Variants in IRS2 observed in about 807,000 individuals in gnomAD.
The protein encoded by IRS2 is insulin receptor substrate 2.
Under a neutral mutation model 70.9 loss-of-function variants are expected in IRS2, and 28 were observed. The ratio of observed to expected loss-of-function variants is 0.39; its 90% CI spans 0.29 to 0.54. The LOEUF (loss-of-function observed/expected upper bound fraction) is 0.54. Ranked by LOEUF, IRS2 falls within the 20% of genes least tolerant of loss-of-function variation. IRS2 has a pLI of 0.59. For synonymous variants in IRS2, 1,217 were observed against 981.9 expected, an observed-to-expected ratio of 1.24 and a Z score of -4.48; for missense variants, 2,081 against 2,024.1, an observed-to-expected ratio of 1.03 and a Z score of -0.54.
At chr13:109,769,271 G>A (rs1331735633) in intron 1 of IRS2, among the ~76,000 whole-genome samples, 1 of 152,200 alleles carries the variant, frequency 6.6e-6, no homozygotes, top group African/African-American at 2.4e-5. Context: ...GTTTTTAAAA[G>A]CTCTGCATAT....
intron 1 of IRS2, among the ~76,000 whole-genome samples, chr13:109,762,281 C>T (rs1177533190): frequency 6.6e-6 from 1 of 152,236 alleles, no homozygotes; most frequent in Non-Finnish European, 1.5e-5. Context: ...GATTCTTCTG[C>T]ACAAACACCT....
At position 109,755,345 on chromosome 13, in the gene IRS2, A is replaced by T. The variant is rs1877081315; in HGVS notation, c.*959T>A. ...CCCGGACCACCCTGGAATTGCTAGC[A>T]CGCCTACAGGGATTTTTGGTTACAG... On this transcript the variant is annotated 3_prime_UTR_variant, in exon 2 of 2. Transcript: ENST00000375856. 1 of 227,350 alleles carries T rather than the reference A, an allele frequency of 4.4e-6. No individual in the cohort carries two copies. The highest frequency in any genetic ancestry group is 5.7e-5 in the Admixed American group (1 of 17,514). The allele number at this position is 227,350 out of a possible 1,614,324, so 14.1% of individuals were successfully genotyped here.
intron 1 of IRS2, among the ~76,000 whole-genome samples, chr13:109,769,631 C>T (rs1001056130): frequency 2.6e-5 from 4 of 152,232 alleles, no homozygotes; most frequent in African/African-American, 9.7e-5. Flanking sequence ...ATTTCACCAC[C>T]TGTAGTGCTT....
Position 109,771,665 on chromosome 13 carries a change from G to C in IRS2, c.4012+10377C>G, listed in dbSNP as rs77631819. 6.7e-4 allele frequency among the ~76,000 whole-genome samples: 102 copies of C among 152,310 alleles called. 4 individuals are homozygous for C. In the East Asian group the frequency reaches 0.019, roughly 28 times the overall value. ...CTTTTATGCAGGAAGACAATAAAAA[G>C]TGAATACCTACTATCATACCAGAAT... is the stretch of plus-strand genomic sequence containing the variant. On this transcript the variant is annotated intron_variant, in intron 1 of 1. Transcript: ENST00000375856.
rs1161486949 is a variant in IRS2 at position 109,785,901 on chromosome 13, G to C, written c.153C>G (p.Arg51=). The change falls in exon 1 of 2, where the codon CGC becomes CGG. Residue 51 remains arginine, a synonymous_variant. Coordinates refer to ENST00000375856, the MANE Select transcript of IRS2 (RefSeq NM_003749.3). This position sits in a 1 kb window ranked among gnomAD's most constrained non-coding sequence, Gnocchi z 9.3. The part of the protein sequence containing the change: ...KHGHKRFFVL[R]GPGAGGDEAT... ...CCTCGTCGCCGCCCGCGCCGGGTCCGCGCAGCACGAAGAAGCGCTTGTGGC... is the reference window on the plus strand; with the variant it reads ...CCTCGTCGCCGCCCGCGCCGGGTCCCCGCAGCACGAAGAAGCGCTTGTGGC... 1.3e-6 allele frequency: 2 copies of C among 1,494,222 alleles called. No individual in the cohort carries two copies. Among genetic ancestry groups the C allele is most frequent in the African/African-American group, 1.4e-5 (1 of 69,346 alleles). The allele number at this position is 1,494,222 out of a possible 1,614,324, so 92.6% of individuals were successfully genotyped here. A position where few individuals can be genotyped will look rare whatever the true frequency, so the allele number is the denominator to read the frequency against.
intron 1 of IRS2, among the ~76,000 whole-genome samples, chr13:109,781,165 C>CATTTTT (rs1877687037): frequency 2.6e-5 from 4 of 152,062 alleles, no homozygotes; most frequent in African/African-American, 9.7e-5. Context: ...GGGGTGAGGC[C>CATTTTT]CAACAGGTAA....
chr13:109,782,671 T>C lies in IRS2; in HGVS notation c.3383A>G (p.Asp1128Gly), dbSNP rs1255377313. The change falls in exon 1 of 2, where the codon GAC (aspartate) becomes GGC (glycine). Residue 1128 changes from aspartate (D) to glycine (G), a missense_variant. Physicochemically the swap from Asp to Gly is moderately conservative, Grantham distance 94 (BLOSUM62 -1). Transcript: ENST00000375856. Reference protein sequence around the residue: ...EAFLQASQPPDPHRGAKVIRA... With the variant: ...EAFLQASQPPGPHRGAKVIRA... ...GATGACCTTGGCGCCGCGGTGGGGG[T>C]CCGGGGGCTGGCTGGCCTGCAGGAA... 1.3e-6 allele frequency: 2 copies of C among 1,569,900 alleles called. No individual in the cohort carries two copies. The highest frequency in any genetic ancestry group is 1.7e-6 in the Non-Finnish European group (2 of 1,160,224).
intron 1 of IRS2, among the ~76,000 whole-genome samples, chr13:109,770,232 G>T (rs1877422306): frequency 6.6e-6 from 1 of 152,190 alleles, no homozygotes. Context: ...GATGCCTATA[G>T]AAAGAATGTG....
chr13:109,755,712 G>A lies in IRS2; in HGVS notation c.*592C>T, dbSNP rs1877092109. ...GTAAACATCGCAGGTACCTGCACTG[G>A]AATCCAACAAGCAGCTGTCTACTTG... On this transcript the variant is annotated 3_prime_UTR_variant, in exon 2 of 2. Transcript: ENST00000375856. 2 of 205,374 alleles carry A rather than the reference G, an allele frequency of 9.7e-6. No individual in the cohort carries two copies. Among genetic ancestry groups the A allele is most frequent in the Non-Finnish European group, 2.0e-5 (2 of 100,232 alleles). 12.7% of individuals were successfully genotyped at this position (205,374 alleles called of 1,614,324 possible).
At chr13:109,760,128 C>T (rs1310449075) in intron 1 of IRS2, among the ~76,000 whole-genome samples, 2 of 152,124 alleles carry the variant, frequency 1.3e-5, no homozygotes, top group African/African-American at 2.4e-5. Context: ...AGATGAGATT[C>T]CAGCAAAAAT....
In IRS2 at chr13:109,767,880, G is replaced by A. The variant is rs533198745; in HGVS notation, c.4013-11572C>T. Among the ~76,000 whole-genome samples the A allele has an allele frequency of 3.9e-5, 6 of 152,118 alleles. No homozygotes were observed. The South Asian group carries it at 1.2e-3, about 32-fold the overall frequency. On this transcript the variant is annotated intron_variant, in intron 1 of 1. Coordinates refer to ENST00000375856, the MANE Select transcript of IRS2 (RefSeq NM_003749.3). ...CCTAAGCAGCTGGGACTACAGGCATGCGCCACCACACCTAGCTAATTTTTC... is the reference window on the plus strand; with the variant it reads ...CCTAAGCAGCTGGGACTACAGGCATACGCCACCACACCTAGCTAATTTTTC...
rs778288547 is a variant in IRS2 at position 109,782,387 on chromosome 13, C to G, written c.3667G>C (p.Gly1223Arg). The change falls in exon 1 of 2, where the codon GGT becomes CGT. Residue 1223 changes from glycine (G) to arginine (R), a missense_variant. Physicochemically the swap from Gly to Arg is moderately radical, Grantham distance 125. Around this residue, in one of 4 missense-constraint regions of IRS2, gnomAD observed 1,615 missense variants for 1,459.5 expected, o/e 1.11. Coordinates refer to ENST00000375856, the MANE Select transcript of IRS2 (RefSeq NM_003749.3). ...LAPQGRPWTP[G>R]QPGGLVGCPG... The stretch of plus-strand genomic sequence containing the variant: ...CAACCGACCAAGCCCCCGGGCTGAC[C>G]CGGGGTCCACGGCCGGCCCTGCGGT... 2 of 1,610,088 alleles carry G rather than the reference C, an allele frequency of 1.2e-6. No homozygotes were observed. Among genetic ancestry groups the G allele is most frequent in the Non-Finnish European group, 1.7e-6 (2 of 1,178,654 alleles).
At chr13:109,761,244 C>T (rs1459301405) in intron 1 of IRS2, among the ~76,000 whole-genome samples, 1 of 152,188 alleles carries the variant, frequency 6.6e-6, no homozygotes, top group Non-Finnish European at 1.5e-5. Flanking sequence ...ACTGGACCAC[C>T]CAGAGGCCAA....
At chr13:109,770,164 T>G (rs1445845040) in intron 1 of IRS2, among the ~76,000 whole-genome samples, 4 of 152,186 alleles carry the variant, frequency 2.6e-5, no homozygotes, top group African/African-American at 9.6e-5. Context: ...AGCAGCCCTT[T>G]GAGCCGGTGG....
chr13:109,773,671 A>G (rs1259973359), intron 1 of IRS2, among the ~76,000 whole-genome samples: 1 of 152,210 alleles, frequency 6.6e-6, no homozygotes, highest in Non-Finnish European at 1.5e-5. Flanking sequence ...CCACATAGTC[A>G]TGAACAGCCA....
rs549807178 is a variant in IRS2, at chr13:109,777,146, C to G, written c.4012+4896G>C. On this transcript the variant is annotated intron_variant, in intron 1 of 1. Coordinates refer to ENST00000375856, the MANE Select transcript of IRS2 (RefSeq NM_003749.3). ...CGGGGGGCACAGCACTTTGCCTCAC[C>G]CAGTGTTTTCCTCATTCTACTTGGC... 1.5e-3 allele frequency among the ~76,000 whole-genome samples: 225 copies of G among 152,106 alleles called. 1 individual carries two copies. Among genetic ancestry groups the G allele is most frequent in the African/African-American group, 5.4e-3 (222 of 41,476 alleles).
rs751169256 is a variant in IRS2 at position 109,784,445 on chromosome 13, C to T, written c.1609G>A (p.Gly537Ser). 1 of 1,577,602 alleles carries T rather than the reference C, an allele frequency of 6.3e-7. No individual in the cohort carries two copies. Among genetic ancestry groups the T allele is most frequent in the Non-Finnish European group, 8.6e-7 (1 of 1,158,760 alleles). The stretch of plus-strand genomic sequence containing the variant: ...ATGGTCATGTACCCGTAGAACTCAC[C>T]GCCGCCGCCGCCGTCTCGGGCCGGG... ...TPPARDGGGG[G>S]EFYGYMTMDR... Residue 537 changes from glycine (G) to serine (S), a missense_variant, in exon 1 of 2, where the codon GGT becomes AGT. Physicochemically the swap from Gly to Ser is moderately conservative, Grantham distance 56. This residue lies in a region of IRS2 where 1,615 missense variants were observed against 1,459.5 expected (regional missense o/e 1.11). Coordinates refer to ENST00000375856, the MANE Select transcript of IRS2 (RefSeq NM_003749.3). The surrounding 1 kb of genome is among the most constrained non-coding windows in gnomAD (Gnocchi z 5.2).
chr13:109,777,721 T>C (rs77394397), intron 1 of IRS2, among the ~76,000 whole-genome samples: 2,286 of 152,328 alleles, frequency 0.015, 70 homozygotes, highest in African/African-American at 0.052. Context: ...TTATACATTT[T>C]CATCTTGTCA....
intron 1 of IRS2, among the ~76,000 whole-genome samples, chr13:109,776,780 A>G (rs983810098): frequency 2.6e-5 from 4 of 152,206 alleles, no homozygotes; most frequent in African/African-American, 9.6e-5. Flanking sequence ...TTTTCTTCAG[A>G]AAAGTCTAGC....
Sources: gnomAD v4.1 joint callset for allele counts (sites outside exome capture counted in the v4.1 genomes callset) on GRCh38, gnomAD v4.1.1 for gene constraint, gnomAD v4.1.1 regional missense constraint, Gnocchi (gnomAD v3.1) non-coding constraint, MANE v1.5 for transcripts, NCBI Gene and HGNC (gene_info 2026-07-23, HGNC 2026-07-21) for gene names.